The following VPS37C variants were observed in gnomAD, a reference collection of about 807,000 sequenced individuals.
VPS37C encodes the protein vacuolar protein sorting-associated protein 37C.
Under a neutral mutation model 16.1 loss-of-function variants are expected in VPS37C, and 9 were observed. The observed-to-expected ratio is 0.56, with a 90% confidence interval of 0.34 to 0.97. The LOEUF (loss-of-function observed/expected upper bound fraction) is 0.97. VPS37C is among the 50% of genes least tolerant of loss of function. The pLI, the probability that VPS37C is intolerant of heterozygous loss-of-function variation, is 0.02. For synonymous variants in VPS37C, 207 were observed against 206.4 expected (o/e 1.00, Z -0.02); for missense variants, 479 against 472.7 (o/e 1.01, Z -0.12).
intron 2 of VPS37C, among the ~76,000 whole-genome samples, chr11:61,134,807 A>G (rs2134629374): frequency 6.6e-6 from 1 of 152,344 alleles, no homozygotes; most frequent in Non-Finnish European, 1.5e-5. Flanking sequence ...CAGATGAGCC[A>G]GAGGGGCCAC....
At chr11:61,142,372 C>T (rs977849651) in intron 1 of VPS37C, among the ~76,000 whole-genome samples, 3 of 149,798 alleles carry the variant, frequency 2.0e-5, no homozygotes, top group African/African-American at 7.7e-5. Context: ...AACCGGACTA[C>T]AGGCATGTGC....
chr11:61,154,842 C>T (rs1243790465), intron 1 of VPS37C, among the ~76,000 whole-genome samples: 1 of 152,202 alleles, frequency 6.6e-6, no homozygotes, highest in Non-Finnish European at 1.5e-5. Flanking sequence ...CAGTGGCTCA[C>T]ACCTGCAATC....
intron 1 of VPS37C, among the ~76,000 whole-genome samples, chr11:61,149,578 G>A (rs1185152904): frequency 2.0e-5 from 3 of 152,114 alleles, no homozygotes; most frequent in East Asian, 1.9e-4. Flanking sequence ...TGTGCCAGGC[G>A]GCCAGCTAGG....
At chr11:61,139,854 C>T (rs1861444290) in intron 1 of VPS37C, among the ~76,000 whole-genome samples, 1 of 151,816 alleles carries the variant, frequency 6.6e-6, no homozygotes, top group Admixed American at 6.6e-5. Context: ...AATGATCCTC[C>T]CACCTCAACC....
chr11:61,150,258 A>C (rs1162948536), intron 1 of VPS37C, among the ~76,000 whole-genome samples: 1 of 152,104 alleles, frequency 6.6e-6, no homozygotes, highest in African/African-American at 2.4e-5. Flanking sequence ...TCAGTGTTCC[A>C]AAGGCTCTCA....
intron 1 of VPS37C, among the ~76,000 whole-genome samples, chr11:61,157,165 CT>C (rs1853390591): frequency 6.6e-6 from 1 of 152,248 alleles, no homozygotes; most frequent in South Asian, 2.1e-4. Flanking sequence ...TGGCTCCCAA[CT>C]TTTTGGCTAT....
At position 61,131,163 on chromosome 11, in the gene VPS37C, C is replaced by T; in HGVS notation, c.*657G>A. 5.1e-6 allele frequency: 1 copy of T among 197,786 alleles called. No homozygotes were observed. The highest frequency in any genetic ancestry group is 1.0e-5 in the Non-Finnish European group (1 of 97,686). The allele number at this position is 197,786 out of a possible 1,614,324, so 12.3% of individuals were successfully genotyped here. ...AAGCAAGGTCTGGGGACAACCTTGA[C>T]AACCCCCAGCCTTCTTGCTGGGCTG... is the stretch of plus-strand genomic sequence containing the variant. On this transcript the variant is annotated 3_prime_UTR_variant, in exon 5 of 5. Transcript: ENST00000301765.
intron 1 of VPS37C, among the ~76,000 whole-genome samples, chr11:61,151,215 G>C (rs939848718): frequency 6.6e-6 from 1 of 152,174 alleles, no homozygotes; most frequent in Non-Finnish European, 1.5e-5. Context: ...AATGGTCATC[G>C]GTACGGATAT....
chr11:61,148,229 C>A (rs1458374338), intron 1 of VPS37C, among the ~76,000 whole-genome samples: 1 of 152,172 alleles, frequency 6.6e-6, no homozygotes. Context: ...GCACTCCCCT[C>A]GCCTTACCAG....
Position 61,158,240 on chromosome 11 carries a change from AT to A in VPS37C, c.-7+3150del, listed in dbSNP as rs1049898673. 1.3e-4 allele frequency among the ~76,000 whole-genome samples: 20 copies of A among 152,256 alleles called. 1 individual carries two copies. On this transcript the variant is annotated intron_variant, in intron 1 of 4. Coordinates refer to ENST00000301765, the MANE Select transcript of VPS37C (RefSeq NM_017966.5). ...TTCAAAACATGTGAAACACAAATTG[AT>A]AAAACTACAAGGGGAAATGGACGAA...
intron 2 of VPS37C, among the ~76,000 whole-genome samples, chr11:61,137,248 T>C (rs149072634): frequency 7.2e-5 from 11 of 152,228 alleles, no homozygotes; most frequent in African/African-American, 2.6e-4. Flanking sequence ...ACAATCCCAC[T>C]GTGACTCAAT....
intron 1 of VPS37C, among the ~76,000 whole-genome samples, chr11:61,155,108 A>G (rs1184389904): frequency 2.0e-5 from 3 of 147,422 alleles, no homozygotes; most frequent in Non-Finnish European, 4.5e-5. Context: ...TGTCTCCAAA[A>G]AAAAAAAAAA....
rs191171280 is a variant in VPS37C, at chr11:61,150,599, T to G, written c.-7+10792A>C. Among the ~76,000 whole-genome samples the G allele has an allele frequency of 5.4e-3, 814 of 150,056 alleles. 12 individuals carry two copies. Among genetic ancestry groups the G allele is most frequent in the African/African-American group, 0.019 (771 of 40,892 alleles). On this transcript the variant is annotated intron_variant, in intron 1 of 4. Coordinates refer to ENST00000301765, the MANE Select transcript of VPS37C (RefSeq NM_017966.5). Reference sequence around the variant, plus strand: ...ACAGAACATTTAATCCAAACCCTACTGCACAGAACACTTCACAACACATAT... The same window carrying G: ...ACAGAACATTTAATCCAAACCCTACGGCACAGAACACTTCACAACACATAT...
At position 61,139,523 on chromosome 11, in the gene VPS37C, G is replaced by A. The variant is rs182312631; in HGVS notation, c.-6-688C>T. Among the ~76,000 whole-genome samples the A allele has an allele frequency of 2.0e-4, 30 of 152,070 alleles. 1 individual carries two copies. The highest frequency in any genetic ancestry group is 7.0e-4 in the African/African-American group (29 of 41,470). On this transcript the variant is annotated intron_variant, in intron 1 of 4. Transcript: ENST00000301765. ...AATTGACCGACCCAAAGAGGACATC[G>A]CTTTGACAGAGAGCTAGTGTCAGCG...
chr11:61,137,998 G>A (rs977247702), intron 2 of VPS37C, among the ~76,000 whole-genome samples: 4 of 152,184 alleles, frequency 2.6e-5, no homozygotes, highest in East Asian at 1.9e-4. Flanking sequence ...CTGCTCATCC[G>A]TGCAAGTAAA....
chr11:61,142,975 TA>T, intron 1 of VPS37C, among the ~76,000 whole-genome samples: 4,460 of 47,696 alleles, frequency 0.094, 226 homozygotes, highest in African/African-American at 0.26. Context: ...AAAGAATAGC[TA>T]AAAAAAAAAA....
rs762906858 is a variant in VPS37C, at chr11:61,132,406, C to A, written c.482G>T (p.Arg161Met). 2 of 1,608,068 alleles carry A rather than the reference C, an allele frequency of 1.2e-6. No individual in the cohort carries two copies. The highest frequency in any genetic ancestry group is 1.7e-6 in the Non-Finnish European group (2 of 1,177,284). ...ATCGCCGGCCAGCTCCTGGGAAGCC[C>A]TGGGCTTCCTCACCACTTCCTGGAG... ...EKLQEVVRKP[R>M]ASQELAGDAP... The change falls in exon 5 of 5, where the codon AGG (arginine) becomes ATG (methionine). Residue 161 changes from arginine to methionine, a missense_variant. Transcript: ENST00000301765.
chr11:61,139,742 T>TCCATAGC (rs1861440875), intron 1 of VPS37C, among the ~76,000 whole-genome samples: 1 of 58,896 alleles, frequency 1.7e-5, no homozygotes. Context: ...ATTCCATAGC[T>TCCATAGC]TTTTTTTTTT....
At chr11:61,147,698 CAA>C (rs751396002) in intron 1 of VPS37C, among the ~76,000 whole-genome samples, 3 of 141,524 alleles carry the variant, frequency 2.1e-5, no homozygotes, top group African/African-American at 2.6e-5. Context: ...TAACCTTCAA[CAA>C]AAAAAAAAAA....
Sources: gnomAD v4.1 joint callset for allele counts (sites outside exome capture counted in the v4.1 genomes callset) on GRCh38, gnomAD v4.1.1 for gene constraint, MANE v1.5 for transcripts, NCBI Gene and HGNC (gene_info 2026-07-23, HGNC 2026-07-21) for gene names.